Variants in MIB1 observed in about 807,000 individuals in gnomAD.
MIB1 encodes E3 ubiquitin-protein ligase MIB1.
In MIB1, 278 loss-of-function variants were observed where a neutral mutation model predicts 124.5. The observed-to-expected ratio is 2.23, with a 90% confidence interval of 2.02 to 2.47. The LOEUF (loss-of-function observed/expected upper bound fraction) is 2.47. MIB1 is among the 30% of genes most tolerant of loss of function. The probability of loss-of-function intolerance (pLI) is 0.00; values close to 1 mark genes in which losing one functional copy is unlikely to be tolerated. For synonymous variants in MIB1, 446 were observed against 429.4 expected (o/e 1.04, Z -0.48); for missense variants, 957 against 1,254.4 (o/e 0.76, Z 3.58).
In MIB1 at chr18:21,849,189, T is replaced by G; in HGVS notation, c.2394-7T>G. The G allele has an allele frequency of 6.6e-7, 1 of 1,515,974 alleles. No homozygotes were observed. Among genetic ancestry groups the G allele is most frequent in the Non-Finnish European group, 8.9e-7 (1 of 1,127,626 alleles). 93.9% of individuals were successfully genotyped at this position (1,515,974 alleles called of 1,614,324 possible). A position where few individuals can be genotyped will look rare whatever the true frequency, so the allele number is the denominator to read the frequency against. On this transcript the variant is annotated splice_polypyrimidine_tract_variant and splice_region_variant and intron_variant, in intron 16 of 20. Coordinates refer to ENST00000261537, the MANE Select transcript of MIB1 (RefSeq NM_020774.4). ...TAGGCTTGATTTGAAATACTTTCTT[T>G]TATTAGTGGTCAAGTGGGTTCTCGG... is the stretch of plus-strand genomic sequence containing the variant.
intron 18 of MIB1, 104 bp from the exon 19 acceptor site, chr18:21,857,026 C>CA (rs1316937531): frequency 1.5e-5 from 11 of 751,062 alleles, no homozygotes; most frequent in Non-Finnish European, 2.6e-5. Flanking sequence ...ACTTGTATAA[C>CA]ATTTATTTCA....
At chr18:21,807,180 A>G (rs1378670140) in intron 10 of MIB1, among the ~76,000 whole-genome samples, 1 of 152,222 alleles carries the variant, frequency 6.6e-6, no homozygotes, top group African/African-American at 2.4e-5. Context: ...TCTGTAATCC[A>G]AGCACTTTGG....
chr18:21,709,511 C>T (rs927959279), intron 1 of MIB1, among the ~76,000 whole-genome samples: 2 of 152,086 alleles, frequency 1.3e-5, no homozygotes, highest in African/African-American at 4.8e-5. Flanking sequence ...ATGGATTATC[C>T]CTGCTTCTTA....
chr18:21,803,746 T>G, intron 9 of MIB1, 161 bp from the exon 10 acceptor site: 2 of 456,656 alleles, frequency 4.4e-6, no homozygotes, highest in South Asian at 5.8e-5. Flanking sequence ...TTCTCAAAAT[T>G]AAGAAGTCTG....
At chr18:21,749,489 A>C (rs933079941) in intron 1 of MIB1, among the ~76,000 whole-genome samples, 3 of 152,152 alleles carry the variant, frequency 2.0e-5, no homozygotes, top group Non-Finnish European at 4.4e-5. Flanking sequence ...TAGCTTTTAA[A>C]TTAATTTGTT....
chr18:21,740,666 A>T (rs977823054), upstream of MIB1, among the ~76,000 whole-genome samples: 4 of 151,964 alleles, frequency 2.6e-5, no homozygotes, highest in African/African-American at 9.7e-5. Context: ...CTCATAGCTC[A>T]TTGGGCGCGC....
intron 20 of MIB1, among the ~76,000 whole-genome samples, chr18:21,861,110 G>T (rs2042272743): frequency 6.6e-6 from 1 of 152,106 alleles, no homozygotes; most frequent in Non-Finnish European, 1.5e-5. Context: ...CTGAAGAGAT[G>T]AAAACTCTGA....
Position 21,857,255 on chromosome 18 carries a change from G to T in MIB1, c.2779+12G>T. The T allele has an allele frequency of 1.9e-6, 3 of 1,589,178 alleles. No individual in the cohort carries two copies. The highest frequency in any genetic ancestry group is 2.6e-6 in the Non-Finnish European group (3 of 1,157,432). ...CACTGATGATATCTGTAAGTCGATT[G>T]TCTTAAGCATTTTCATATTTTGCTT... is the stretch of plus-strand genomic sequence containing the variant. On this transcript the variant is annotated intron_variant, in intron 19 of 20. Transcript: ENST00000261537.
Position 21,773,796 on chromosome 18 carries a change from T to C in MIB1, c.636+68T>C, listed in dbSNP as rs2041250017. 4 of 923,038 alleles carry C rather than the reference T, an allele frequency of 4.3e-6. No individual in the cohort carries two copies. The Middle Eastern group carries it at 8.8e-4, about 203-fold the overall frequency. 57.2% of individuals were successfully genotyped at this position (923,038 alleles called of 1,614,324 possible). On this transcript the variant is annotated intron_variant, in intron 4 of 20. Coordinates refer to ENST00000261537, the MANE Select transcript of MIB1 (RefSeq NM_020774.4). ...TGGGTGAATAGCTCTTACTGCTCTT[T>C]TATTATTTTTCCTTTGTCATCTCCC...
At chr18:21,843,618 A>G (rs1261139370) in intron 14 of MIB1, among the ~76,000 whole-genome samples, 2 of 152,232 alleles carry the variant, frequency 1.3e-5, no homozygotes, top group African/African-American at 4.8e-5. Context: ...TCCTCTTGAT[A>G]TCCTCCATGG....
intron 7 of MIB1, among the ~76,000 whole-genome samples, chr18:21,796,058 CAA>C (rs1439019716): frequency 6.6e-6 from 1 of 152,108 alleles, no homozygotes; most frequent in Non-Finnish European, 1.5e-5. Context: ...AAAAACAAAA[CAA>C]ATGTCTTCTT....
chr18:21,736,234 CAG>C (rs2040796448), upstream of MIB1, among the ~76,000 whole-genome samples: 2 of 152,222 alleles, frequency 1.3e-5, no homozygotes, highest in Admixed American at 1.3e-4. Context: ...CCCAGGCAAA[CAG>C]GGTATGGAGT....
At chr18:21,852,437 G>GAT (rs2042188221) in intron 17 of MIB1, among the ~76,000 whole-genome samples, 1 of 152,194 alleles carries the variant, frequency 6.6e-6, no homozygotes, top group South Asian at 2.1e-4. Flanking sequence ...GTGAAAGACA[G>GAT]ATGAGTAGCC....
intron 1 of MIB1, among the ~76,000 whole-genome samples, chr18:21,748,355 C>G (rs1400138378): frequency 3.6e-5 from 4 of 112,476 alleles, no homozygotes; most frequent in African/African-American, 6.8e-5. Flanking sequence ...CTTCCTCTCT[C>G]CCTCCCTCCC....
At chr18:21,853,304 T>C in intron 18 of MIB1, 86 bp downstream of exon 18, 1 of 1,007,642 alleles carries the variant, frequency 9.9e-7, no homozygotes, top group Non-Finnish European at 1.5e-6. Flanking sequence ...TTTTTTGCTT[T>C]TGATTTTGGA....
intron 1 of MIB1, among the ~76,000 whole-genome samples, chr18:21,742,050 T>A (rs892311518): frequency 5.3e-5 from 8 of 152,168 alleles, no homozygotes; most frequent in African/African-American, 1.9e-4. Flanking sequence ...ACCGGGATGC[T>A]TTCAAGCCTG....
chr18:21,846,873 A>G, intron 15 of MIB1, 71 bp from the exon 16 acceptor site: 5 of 1,420,312 alleles, frequency 3.5e-6, no homozygotes, highest in Non-Finnish European at 3.9e-6. Context: ...ACACACACAT[A>G]CATATATATG....
chr18:21,828,760 G>A, intron 12 of MIB1: 1 of 187,088 alleles, frequency 5.3e-6, no homozygotes, highest in Non-Finnish European at 1.1e-5. Context: ...TTTAAACTTA[G>A]ATGATTTAAA....
intron 1 of MIB1, among the ~76,000 whole-genome samples, chr18:21,746,906 A>G (rs982075167): frequency 6.6e-6 from 1 of 152,158 alleles, no homozygotes; most frequent in African/African-American, 2.4e-5. Context: ...TGAAGGTTTA[A>G]AAGGGCTGAC....
Sources: gnomAD v4.1 joint callset for allele counts (sites outside exome capture counted in the v4.1 genomes callset) on GRCh38, gnomAD v4.1.1 for gene constraint, MANE v1.5 for transcripts, NCBI Gene and HGNC (gene_info 2026-07-23, HGNC 2026-07-21) for gene names.